Variants in NRDC observed in about 807,000 individuals in gnomAD.
NRDC encodes the protein nardilysin.
NRDC carries 54 observed loss-of-function variants against 147.1 expected under a neutral mutation model. The observed-to-expected ratio is 0.37, with a 90% CI of 0.29 to 0.46. The LOEUF (loss-of-function observed/expected upper bound fraction) is 0.46, where lower values mean the gene tolerates loss of function less well. Among genes scored for constraint, NRDC ranks in the 20% least tolerant of loss-of-function variants. The pLI is 1.00. For synonymous variants in NRDC, 440 were observed against 482.1 expected, an observed-to-expected ratio of 0.91 and a Z score of 1.14; for missense variants, 1,082 against 1,370.6, an observed-to-expected ratio of 0.79 and a Z score of 3.33.
At position 51,794,569 on chromosome 1, in the gene NRDC, T is replaced by C; in HGVS notation, c.2678A>G (p.Gln893Arg). 2 of 1,614,220 alleles carry C rather than the reference T, an allele frequency of 1.2e-6. No individual in the cohort carries two copies. Among genetic ancestry groups the C allele is most frequent in the Non-Finnish European group, 1.7e-6 (2 of 1,180,036 alleles). ...FKPLEQEMPVQFQVVELPSGH... is the reference protein window; with the variant it reads ...FKPLEQEMPVRFQVVELPSGH... The stretch of plus-strand genomic sequence containing the variant: ...ACTGGGCAGCTCTACCACCTGGAAC[T>C]GCACAGGCATCTCCTGCTCCAGAGG... The change falls in exon 24 of 31, where the codon CAG becomes CGG. Residue 893 changes from glutamine to arginine, a missense_variant. By Grantham distance (43) the Gln-to-Arg change is conservative. This residue lies in a region of NRDC where 635 missense variants were observed against 923.8 expected (regional missense o/e 0.69). Coordinates refer to ENST00000352171, the MANE Select transcript of NRDC (RefSeq NM_001101662.2).
rs1364591683 is a variant in NRDC, at chr1:51,809,310, C to G, written c.1990+5G>C. The stretch of plus-strand genomic sequence containing the variant: ...ATTATGTATAAAAATTGCTATTTTA[C>G]TGACCTATGTACTTGTTTTCAGCTG... On this transcript the variant is annotated splice_donor_5th_base_variant and intron_variant, in intron 17 of 30. Coordinates refer to ENST00000352171, the MANE Select transcript of NRDC (RefSeq NM_001101662.2). 6.2e-7 allele frequency: 1 copy of G among 1,604,516 alleles called. No homozygotes were observed. Among genetic ancestry groups the G allele is most frequent in the South Asian group, 1.1e-5 (1 of 90,884 alleles).
At chr1:51,836,282 A>C in intron 2 of NRDC, 70 bp from the exon 3 acceptor site, 1 of 1,586,902 alleles carries the variant, frequency 6.3e-7, no homozygotes, top group Non-Finnish European at 8.7e-7. Flanking sequence ...TCTTATCTTA[A>C]GGATTCATTT....
intron 10 of NRDC, among the ~76,000 whole-genome samples, chr1:51,817,056 TC>T (rs1305608221): frequency 6.6e-6 from 1 of 152,244 alleles, no homozygotes; most frequent in Non-Finnish European, 1.5e-5. Flanking sequence ...GTTAAAGTAT[TC>T]CTACCACAAA....
chr1:51,792,022 CAG>C (rs770913996), intron 26 of NRDC, 22 bp downstream of exon 26: 3 of 1,613,794 alleles, frequency 1.9e-6, no homozygotes, highest in Non-Finnish European at 1.7e-6. Flanking sequence ...TATTTGAGCT[CAG>C]TGGCCCTGCC....
At chr1:51,874,465 T>C (rs1182365867) in intron 1 of NRDC, among the ~76,000 whole-genome samples, 1 of 151,914 alleles carries the variant, frequency 6.6e-6, no homozygotes, top group Non-Finnish European at 1.5e-5. Flanking sequence ...AAAGCTTAGC[T>C]GGGCATGATG....
Position 51,800,648 on chromosome 1 carries a change from C to T in NRDC, c.2349G>A (p.Glu783=). The part of the protein sequence containing the change: ...LFQLIIDYLA[E]FNSTPAVFTM... ...TAAAGACAGCTGGTGTGGAATTGAA[C>T]TCAGCTAAGTAGTCAATAATGAGCT... Residue 783 remains glutamate (E), a synonymous_variant, in exon 21 of 31, where the codon GAG becomes GAA. Coordinates refer to ENST00000352171, the MANE Select transcript of NRDC (RefSeq NM_001101662.2). 6.2e-7 allele frequency: 1 copy of T among 1,613,780 alleles called. No individual in the cohort carries two copies. The highest frequency in any genetic ancestry group is 8.5e-7 in the Non-Finnish European group (1 of 1,179,770).
At chr1:51,846,722 G>A (rs568738439) in intron 1 of NRDC, among the ~76,000 whole-genome samples, 113 of 152,360 alleles carry the variant, frequency 7.4e-4, no homozygotes, top group Non-Finnish European at 1.3e-3. Flanking sequence ...AACAGCGATG[G>A]AACTCGACCC....
chr1:51,867,041 C>A (rs1682845342), intron 1 of NRDC, among the ~76,000 whole-genome samples: 1 of 152,092 alleles, frequency 6.6e-6, no homozygotes, highest in Non-Finnish European at 1.5e-5. Flanking sequence ...ATGATGCGAT[C>A]ATAGCTTACT....
At chr1:51,861,221 A>G (rs1181093408) in intron 1 of NRDC, among the ~76,000 whole-genome samples, 1 of 141,770 alleles carries the variant, frequency 7.1e-6, no homozygotes, top group Non-Finnish European at 1.5e-5. Context: ...AAGTATGAGG[A>G]TTACAGGCGT....
At chr1:51,854,579 T>A (rs1338600813) in intron 1 of NRDC, among the ~76,000 whole-genome samples, 1 of 152,154 alleles carries the variant, frequency 6.6e-6, no homozygotes, top group East Asian at 1.9e-4. Flanking sequence ...GGCACCTAGC[T>A]AGCCCTGAAA....
At chr1:51,873,017 G>C (rs1449639821) in intron 1 of NRDC, among the ~76,000 whole-genome samples, 1 of 152,110 alleles carries the variant, frequency 6.6e-6, no homozygotes, top group African/African-American at 2.4e-5. Flanking sequence ...GAGATTTTGT[G>C]ATCATTTTAG....
chr1:51,844,210 G>A (rs1681417547), intron 1 of NRDC, among the ~76,000 whole-genome samples: 1 of 152,168 alleles, frequency 6.6e-6, no homozygotes, highest in South Asian at 2.1e-4. Context: ...AAGCAAATGA[G>A]CCCTGCTATG....
chr1:51,797,593 G>A (rs183528918), intron 22 of NRDC, among the ~76,000 whole-genome samples: 159 of 152,078 alleles, frequency 1.0e-3, no homozygotes, highest in Middle Eastern at 6.8e-3. Flanking sequence ...GTATGTATCC[G>A]TATGTATGCA....
chr1:51,845,129 T>G (rs1020748985), intron 1 of NRDC, among the ~76,000 whole-genome samples: 26 of 152,156 alleles, frequency 1.7e-4, no homozygotes, highest in African/African-American at 6.3e-4. Flanking sequence ...CCACTACTCT[T>G]CCTTCATTCT....
chr1:51,792,185 C>G (rs1678688650), intron 25 of NRDC, 87 bp from the exon 26 acceptor site: 1 of 1,544,792 alleles, frequency 6.5e-7, no homozygotes, highest in East Asian at 2.3e-5. Context: ...ACATACCTCC[C>G]AAGTCCAGCC....
At position 51,789,342 on chromosome 1, in the gene NRDC, T is replaced by A; in HGVS notation, c.3350A>T (p.Tyr1117Phe). 2.5e-6 allele frequency: 4 copies of A among 1,614,162 alleles called. No individual in the cohort carries two copies. The highest frequency in any genetic ancestry group is 3.4e-6 in the Non-Finnish European group (4 of 1,180,006). The stretch of plus-strand genomic sequence containing the variant: ...TGCCAGCAGAGGAGAGGTTGGCAGG[T>A]AGGTCAGCTGCATCACTTCACAAGA... ...NSSCEVMQLT[Y>F]LPTSPLLADC... Residue 1117 changes from tyrosine (Y) to phenylalanine (F), a missense_variant, in exon 31 of 31, where the codon TAC becomes TTC. Transcript: ENST00000352171.
intron 1 of NRDC, among the ~76,000 whole-genome samples, chr1:51,861,322 CTCT>C (rs75199807): frequency 7.2e-5 from 8 of 111,498 alleles, no homozygotes; most frequent in South Asian, 3.0e-4. Flanking sequence ...ATAATCAAAT[CTCT>C]TCTTCTTCTT....
intron 1 of NRDC, among the ~76,000 whole-genome samples, chr1:51,875,000 G>A (rs111709977): frequency 0.026 from 3,854 of 149,854 alleles, 110 homozygotes; most frequent in South Asian, 0.095. Flanking sequence ...GTAATGGATC[G>A]TGCACAAAAT....
chr1:51,822,823 A>C (rs1276309974), intron 7 of NRDC, among the ~76,000 whole-genome samples: 1 of 152,258 alleles, frequency 6.6e-6, no homozygotes, highest in East Asian at 1.9e-4. Flanking sequence ...AGTCAACTTT[A>C]GTGAACTCAT....
Sources: gnomAD v4.1 joint callset for allele counts (sites outside exome capture counted in the v4.1 genomes callset) on GRCh38, gnomAD v4.1.1 for gene constraint, gnomAD v4.1.1 regional missense constraint, MANE v1.5 for transcripts, NCBI Gene and HGNC (gene_info 2026-07-23, HGNC 2026-07-21) for gene names.